ITSN2: variants seen among roughly 807,000 people sequenced by gnomAD.
ITSN2 encodes the protein intersectin 2, also known as intersectin-2.
Under a neutral mutation model 243.7 loss-of-function variants are expected in ITSN2, and 156 were observed. The ratio of observed to expected loss-of-function variants is 0.64; its 90% CI spans 0.56 to 0.73. ITSN2 has a LOEUF of 0.73. Ranked by LOEUF, ITSN2 falls within the 30% of genes least tolerant of loss-of-function variation. The pLI, the probability that ITSN2 is intolerant of heterozygous loss-of-function variation, is 0.00. For synonymous variants in ITSN2, 703 were observed against 699.9 expected, an observed-to-expected ratio of 1.00 and a Z score of -0.07; for missense variants, 1,801 against 1,996.1, an observed-to-expected ratio of 0.90 and a Z score of 1.86.
At position 24,208,294 on chromosome 2, in the gene ITSN2, C is replaced by T. The variant is rs139389348; in HGVS notation, c.4621G>A (p.Ala1541Thr). Residue 1541 changes from alanine (A) to threonine (T), a missense_variant, in exon 37 of 40, where the codon GCG becomes ACG. Physicochemically the swap from Ala to Thr is moderately conservative, Grantham distance 58. This residue lies in a region of ITSN2 where 928 missense variants were observed against 1,065.4 expected (regional missense o/e 0.87). Coordinates refer to ENST00000355123, the MANE Select transcript of ITSN2 (RefSeq NM_006277.3). ...GTGTCGATGTACTGCTCAGACGCCG[C>T]CTTGATCTTCTGCACCCAGGCGGTC... ...ERTAWVQKIKAASEQYIDTEK... is the reference protein window; with the variant it reads ...ERTAWVQKIKTASEQYIDTEK... The T allele has an allele frequency of 7.6e-5, 123 of 1,612,544 alleles. No homozygotes were observed. The African/African-American group carries it at 1.5e-3, about 20-fold the overall frequency.
At chr2:24,207,947 G>A (rs1013670676) in intron 37 of ITSN2, among the ~76,000 whole-genome samples, 1 of 151,896 alleles carries the variant, frequency 6.6e-6, no homozygotes, top group Non-Finnish European at 1.5e-5. Context: ...GCAGAGGTGA[G>A]GTGAGTCATG....
In ITSN2 at chr2:24,330,721, G is replaced by T. The variant is rs1055539276; in HGVS notation, c.-33-2606C>A. On this transcript the variant is annotated intron_variant, in intron 1 of 39. Transcript: ENST00000355123. ...TGTGTACTTCTGGTGACAGTAGTTT[G>T]AAATACTATTTTTTATCAAGTTTTA... 12 of 612,532 alleles carry T rather than the reference G, an allele frequency of 2.0e-5. No homozygotes were observed. The African/African-American group carries it at 2.1e-4, about 11-fold the overall frequency. 37.9% of individuals were successfully genotyped at this position (612,532 alleles called of 1,614,324 possible). A position where few individuals can be genotyped will look rare whatever the true frequency, so the allele number is the denominator to read the frequency against.
chr2:24,248,965 T>C, intron 25 of ITSN2, 83 bp from the exon 26 acceptor site: 3 of 1,285,398 alleles, frequency 2.3e-6, no homozygotes, highest in Non-Finnish European at 2.2e-6. Flanking sequence ...AATTAGAGAT[T>C]TCAAATTCCC....
intron 17 of ITSN2, among the ~76,000 whole-genome samples, chr2:24,276,774 C>T (rs1678068311): frequency 6.6e-6 from 1 of 152,166 alleles, no homozygotes; most frequent in Admixed American, 6.5e-5. Context: ...AACGACTGGT[C>T]CAAAGGACAT....
intron 15 of ITSN2, among the ~76,000 whole-genome samples, 173 bp from the exon 16 acceptor site, chr2:24,286,524 T>C (rs1289890311): frequency 6.6e-6 from 1 of 152,206 alleles, no homozygotes; most frequent in Non-Finnish European, 1.5e-5. Context: ...TCCCAGATTA[T>C]ATGCTGGAAA....
intron 29 of ITSN2, chr2:24,241,613 T>A (rs1012110673): frequency 1.3e-5 from 2 of 152,650 alleles, no homozygotes; most frequent in African/African-American, 4.8e-5. Context: ...TTCCAGTTCT[T>A]GGCCTTTAAA....
intron 29 of ITSN2, among the ~76,000 whole-genome samples, chr2:24,245,922 A>G (rs1255219495): frequency 6.6e-6 from 1 of 152,236 alleles, no homozygotes; most frequent in Non-Finnish European, 1.5e-5. Context: ...GTCTAATACG[A>G]AAGTCTGGAG....
Position 24,248,833 on chromosome 2 carries a change from G to C in ITSN2, c.3166+4C>G. 1 of 1,613,474 alleles carries C rather than the reference G, an allele frequency of 6.2e-7. No individual in the cohort carries two copies. The stretch of plus-strand genomic sequence containing the variant: ...TAATTTTTTAAGATCACTACTATAC[G>C]TACCAGGTTTTTTATTTGATGCTCC... On this transcript the variant is annotated splice_donor_region_variant and intron_variant, in intron 26 of 39. Coordinates refer to ENST00000355123, the MANE Select transcript of ITSN2 (RefSeq NM_006277.3).
intron 1 of ITSN2, among the ~76,000 whole-genome samples, chr2:24,348,254 A>G (rs891589031): frequency 1.6e-4 from 23 of 139,636 alleles, no homozygotes; most frequent in Non-Finnish European, 3.2e-4. Flanking sequence ...AGCTCACTGC[A>G]ACCTCCACCT....
At chr2:24,354,784 G>T (rs1688303802) in intron 1 of ITSN2, among the ~76,000 whole-genome samples, 1 of 152,154 alleles carries the variant, frequency 6.6e-6, no homozygotes, top group South Asian at 2.1e-4. Context: ...ACGCATTCGT[G>T]AAGAAAATGA....
chr2:24,263,810 G>C (rs1676233604), intron 20 of ITSN2, among the ~76,000 whole-genome samples: 1 of 151,952 alleles, frequency 6.6e-6, no homozygotes, highest in Non-Finnish European at 1.5e-5. Context: ...TCAAATGTTG[G>C]TAGACATTAA....
chr2:24,209,920 G>T lies in ITSN2; in HGVS notation c.4371C>A (p.Asp1457Glu). Residue 1457 changes from aspartate (D) to glutamate (E), a missense_variant, in exon 35 of 40, where the codon GAC becomes GAA. Around this residue, in one of 5 missense-constraint regions of ITSN2, gnomAD observed 928 missense variants for 1,065.4 expected, o/e 0.87. Transcript: ENST00000355123. ...NKELHGFLFNDFLLLTYMVKQ... is the reference protein window; with the variant it reads ...NKELHGFLFNEFLLLTYMVKQ... Reference sequence around the variant, plus strand: ...TGACCATGTAGGTAAGAAGCAGGAAGTCATTGAAGAGGAATCCGTGCAGTT... The same window carrying T: ...TGACCATGTAGGTAAGAAGCAGGAATTCATTGAAGAGGAATCCGTGCAGTT... 1 of 1,614,210 alleles carries T rather than the reference G, an allele frequency of 6.2e-7. No individual in the cohort carries two copies. The highest frequency in any genetic ancestry group is 8.5e-7 in the Non-Finnish European group (1 of 1,180,006).
intron 1 of ITSN2, among the ~76,000 whole-genome samples, chr2:24,348,453 G>A (rs1248708618): frequency 2.0e-5 from 3 of 152,054 alleles, no homozygotes; most frequent in Admixed American, 6.5e-5. Flanking sequence ...GCTTCCCAAA[G>A]TGCTAGGATT....
intron 4 of ITSN2, among the ~76,000 whole-genome samples, chr2:24,313,090 T>C (rs1044532054): frequency 7.3e-5 from 11 of 151,170 alleles, no homozygotes; most frequent in Admixed American, 2.0e-4. Flanking sequence ...ACCTTTTTTT[T>C]TTTTTTTTTT....
intron 24 of ITSN2, among the ~76,000 whole-genome samples, chr2:24,253,899 C>G (rs958851878): frequency 6.6e-5 from 10 of 152,008 alleles, no homozygotes; most frequent in African/African-American, 2.2e-4. Flanking sequence ...AACACATTAA[C>G]AAAATCAAAA....
In ITSN2 at chr2:24,204,445, TGTG is replaced by T; in HGVS notation, c.4763-30_4763-28del. 1 of 1,611,358 alleles carries T rather than the reference TGTG, an allele frequency of 6.2e-7. No individual in the cohort carries two copies. Among genetic ancestry groups the T allele is most frequent in the Non-Finnish European group, 8.5e-7 (1 of 1,177,714 alleles). ...TGAACAAAAACAAACCACAGACACA[TGTG>T]GTGCATGCAGGTAAAACGAAGCGAC... On this transcript the variant is annotated intron_variant, in intron 38 of 39. Transcript: ENST00000355123. This position sits in a 1 kb window ranked among gnomAD's most constrained non-coding sequence, Gnocchi z 5.1.
chr2:24,338,693 T>C (rs949289674), intron 1 of ITSN2, among the ~76,000 whole-genome samples: 2 of 152,132 alleles, frequency 1.3e-5, no homozygotes, highest in African/African-American at 4.8e-5. Flanking sequence ...TGAATGGTCA[T>C]TATAATAAAG....
chr2:24,268,837 C>T (rs1676992552), intron 20 of ITSN2, among the ~76,000 whole-genome samples: 1 of 151,900 alleles, frequency 6.6e-6, no homozygotes, highest in Non-Finnish European at 1.5e-5. Flanking sequence ...AAGCCAAGCT[C>T]ATTCAAAGAG....
chr2:24,284,888 ATTTTTTTTTTTTTTT>A (rs138100580), intron 16 of ITSN2, 45 bp from the exon 17 acceptor site: 13 of 370,678 alleles, frequency 3.5e-5, no homozygotes, highest in Non-Finnish European at 5.7e-5. Context: ...TACGTACAGA[ATTTTTTTTTTTTTTT>A]TTTTTTTTTT....
Sources: gnomAD v4.1 joint callset for allele counts (sites outside exome capture counted in the v4.1 genomes callset) on GRCh38, gnomAD v4.1.1 for gene constraint, gnomAD v4.1.1 regional missense constraint, Gnocchi (gnomAD v3.1) non-coding constraint, MANE v1.5 for transcripts, NCBI Gene and HGNC (gene_info 2026-07-23, HGNC 2026-07-21) for gene names.